Variants in DLGAP2 observed in about 807,000 individuals in gnomAD.
The protein encoded by DLGAP2 is disks large-associated protein 2.
Under a neutral mutation model 100.3 loss-of-function variants are expected in DLGAP2, and 26 were observed. The ratio of observed to expected loss-of-function variants is 0.26; its 90% CI spans 0.19 to 0.36. The LOEUF is 0.36. Among genes scored for constraint, DLGAP2 ranks in the 10% least tolerant of loss-of-function variants. The pLI is 1.00. For missense variants in DLGAP2, 1,858 were observed against 1,453.2 expected, an observed-to-expected ratio of 1.28 and a Z score of -4.53; for synonymous variants, 886 against 630.1, an observed-to-expected ratio of 1.41 and a Z score of -6.08.
rs116729621 is a variant in DLGAP2, at chr8:1,656,394, A to T, written c.1811-11935A>T. Among the ~76,000 whole-genome samples, 1,119 of 152,136 alleles carry T rather than the reference A, an allele frequency of 7.4e-3. 17 individuals carry two copies. The highest frequency in any genetic ancestry group is 0.025 in the African/African-American group (1,058 of 41,496). On this transcript the variant is annotated intron_variant, in intron 8 of 14. Coordinates refer to ENST00000637795, the MANE Select transcript of DLGAP2 (RefSeq NM_001346810.2). ...CAGTCTAGAAAGGAGCCTTTCTGACACAACTGTGGTAAACCTAAGAATGTA... is the reference window on the plus strand; with the variant it reads ...CAGTCTAGAAAGGAGCCTTTCTGACTCAACTGTGGTAAACCTAAGAATGTA...
chr8:1,267,590 A>AAATAAAATAAAATAAAAT lies in DLGAP2; in HGVS notation c.106+8707_106+8708insAATAAAATAAAATAAAAT, dbSNP rs1563051952. ...AAATAAAATAAAATAAAATAAAATA[A>AAATAAAATAAAATAAAAT]GATAAGATAAGATAAGATAAGATAA... On this transcript the variant is annotated intron_variant, in intron 3 of 14. Coordinates refer to ENST00000637795, the MANE Select transcript of DLGAP2 (RefSeq NM_001346810.2). Among the ~76,000 whole-genome samples, 134 of 31,528 alleles carry AAATAAAATAAAATAAAAT rather than the reference A, an allele frequency of 4.3e-3. 4 individuals carry two copies. Among genetic ancestry groups the AAATAAAATAAAATAAAAT allele is most frequent in the African/African-American group, 0.016 (132 of 8,446 alleles). 20.7% of individuals were successfully genotyped at this position (31,528 alleles called of 152,430 possible).
intron 3 of DLGAP2, among the ~76,000 whole-genome samples, chr8:1,473,925 C>G (rs1798865729): frequency 6.6e-6 from 1 of 152,144 alleles, no homozygotes; most frequent in Non-Finnish European, 1.5e-5. Context: ...TCCATTAAAC[C>G]TCTTTTTCTG....
intron 2 of DLGAP2, among the ~76,000 whole-genome samples, chr8:1,174,972 G>GT (rs79828259): frequency 0.8 from 121,833 of 151,898 alleles, 49,021 homozygotes; most frequent in Admixed American, 0.85. Context: ...CCCCTTTCTA[G>GT]TTCCCCCAAG....
intron 2 of DLGAP2, among the ~76,000 whole-genome samples, chr8:1,135,371 G>A (rs1288575996): frequency 6.6e-6 from 1 of 152,166 alleles, no homozygotes; most frequent in East Asian, 1.9e-4. Context: ...GCGGCTGTCT[G>A]AGTGCATCTC....
chr8:946,713 T>C (rs1227642282), intron 2 of DLGAP2, among the ~76,000 whole-genome samples: 1 of 152,194 alleles, frequency 6.6e-6, no homozygotes, highest in Non-Finnish European at 1.5e-5. Flanking sequence ...GCCCATGTTA[T>C]CACTCTGAGT....
rs75450821 is a variant in DLGAP2 at position 1,282,917 on chromosome 8, G to A, written c.106+24034G>A. ...ACGTGGTGTGACCTGAACCCAGCAC[G>A]TGAACCATCCAGACATGGTGTGACC... On this transcript the variant is annotated intron_variant, in intron 3 of 14. Transcript: ENST00000637795. 4.2e-5 allele frequency among the ~76,000 whole-genome samples: 5 copies of A among 118,066 alleles called. 1 individual carries two copies. The highest frequency in any genetic ancestry group is 9.6e-5 in the Admixed American group (1 of 10,460). 77.5% of individuals were successfully genotyped at this position (118,066 alleles called of 152,430 possible). A position where few individuals can be genotyped will look rare whatever the true frequency, so the allele number is the denominator to read the frequency against.
intron 2 of DLGAP2, among the ~76,000 whole-genome samples, chr8:1,003,743 G>T (rs1054816983): frequency 1.3e-5 from 2 of 152,140 alleles, no homozygotes; most frequent in Admixed American, 1.3e-4. Context: ...TTGTCTGAGC[G>T]CCTGGATTCT....
chr8:1,114,039 G>T (rs966284531), intron 2 of DLGAP2, among the ~76,000 whole-genome samples: 1 of 152,206 alleles, frequency 6.6e-6, no homozygotes, highest in Non-Finnish European at 1.5e-5. Context: ...GCATCCAGGA[G>T]ATGAAGCCTA....
chr8:1,174,840 C>A (rs1797219894), intron 2 of DLGAP2, among the ~76,000 whole-genome samples: 1 of 152,114 alleles, frequency 6.6e-6, no homozygotes, highest in Admixed American at 6.5e-5. Flanking sequence ...CAGCTGAGTT[C>A]TGTTTATCTA....
intron 6 of DLGAP2, among the ~76,000 whole-genome samples, chr8:1,589,634 G>A (rs914439220): frequency 3.3e-5 from 5 of 152,178 alleles, no homozygotes; most frequent in African/African-American, 1.2e-4. Context: ...TGTTTGTAGA[G>A]ATGGGGTTTC....
chr8:1,080,548 G>C (rs534996066), intron 2 of DLGAP2, among the ~76,000 whole-genome samples: 2 of 151,604 alleles, frequency 1.3e-5, no homozygotes, highest in South Asian at 4.2e-4. Flanking sequence ...CTCTGTGCTC[G>C]CACGTCTGAA....
At chr8:898,829 G>A (rs1249154004) in intron 1 of DLGAP2, among the ~76,000 whole-genome samples, 2 of 152,236 alleles carry the variant, frequency 1.3e-5, no homozygotes, top group African/African-American at 2.4e-5. Context: ...AGTTTCAGCT[G>A]CAGCTTTGAA....
At chr8:1,159,910 T>C (rs1039638660) in intron 2 of DLGAP2, among the ~76,000 whole-genome samples, 1 of 152,194 alleles carries the variant, frequency 6.6e-6, no homozygotes, top group African/African-American at 2.4e-5. Flanking sequence ...GGCTGTAGAA[T>C]GCTGCTCCCA....
At chr8:983,191 A>T (rs1270650627) in intron 2 of DLGAP2, among the ~76,000 whole-genome samples, 1 of 152,150 alleles carries the variant, frequency 6.6e-6, no homozygotes, top group Non-Finnish European at 1.5e-5. Flanking sequence ...ACCTTTAAAT[A>T]TGCCCTTAGA....
At chr8:1,571,708 G>C (rs1327012673) in intron 6 of DLGAP2, among the ~76,000 whole-genome samples, 3 of 137,702 alleles carry the variant, frequency 2.2e-5, no homozygotes, top group Middle Eastern at 4.3e-3. Flanking sequence ...AGAGGAGAGA[G>C]GGTGAACTGT....
chr8:914,815 C>T (rs148226826), intron 2 of DLGAP2, among the ~76,000 whole-genome samples: 2 of 152,170 alleles, frequency 1.3e-5, no homozygotes, highest in African/African-American at 4.8e-5. Flanking sequence ...GTGTGTGATA[C>T]TCCTGTTTTA....
rs1563214228 is a variant in DLGAP2 at position 1,548,696 on chromosome 8, G to A, written c.243G>A (p.Met81Ile). Residue 81 changes from methionine to isoleucine, a missense_variant, in exon 5 of 15, where the codon ATG becomes ATA. Transcript: ENST00000637795. ...GCTACTCGCCCGCGCCCAGGAGCAT[G>A]AAGGGCCTTTCCGGAAGTCGGACCC... Reference protein sequence around the residue: ...EERYSPAPRSMKGLSGSRTQP... With the variant: ...EERYSPAPRSIKGLSGSRTQP... The A allele has an allele frequency of 6.2e-7, 1 of 1,607,188 alleles. No homozygotes were observed. Among genetic ancestry groups the A allele is most frequent in the Non-Finnish European group, 8.5e-7 (1 of 1,178,050 alleles).
intron 3 of DLGAP2, among the ~76,000 whole-genome samples, chr8:1,277,104 G>C (rs1419201814): frequency 1.3e-5 from 2 of 152,082 alleles, no homozygotes; most frequent in Non-Finnish European, 2.9e-5. Context: ...TATGTCCATA[G>C]CTTTATCTGC....
At chr8:1,020,353 G>C (rs2129024314) in intron 2 of DLGAP2, among the ~76,000 whole-genome samples, 1 of 152,360 alleles carries the variant, frequency 6.6e-6, no homozygotes, top group East Asian at 1.9e-4. Flanking sequence ...CTTAAGGACA[G>C]ATTATTTTAT....
Sources: gnomAD v4.1 joint callset for allele counts (sites outside exome capture counted in the v4.1 genomes callset) on GRCh38, gnomAD v4.1.1 for gene constraint, MANE v1.5 for transcripts, NCBI Gene and HGNC (gene_info 2026-07-23, HGNC 2026-07-21) for gene names.